Variants in RGS9 observed in about 807,000 individuals in gnomAD.
RGS9 encodes regulator of G-protein signalling 9.
In RGS9, 78 loss-of-function variants were observed where a neutral mutation model predicts 102.0. The observed-to-expected ratio is 0.76, with a 90% CI of 0.64 to 0.92. The LOEUF (loss-of-function observed/expected upper bound fraction) is 0.92. RGS9 is among the 40% of genes least tolerant of loss of function. RGS9 has a pLI of 0.00. For synonymous variants in RGS9, 353 were observed against 318.6 expected (o/e 1.11, Z -1.15); for missense variants, 833 against 866.1 (o/e 0.96, Z 0.48).
At chr17:65,188,699 A>C in intron 9 of RGS9, 1 of 160,254 alleles carries the variant, frequency 6.2e-6, no homozygotes, top group Admixed American at 5.8e-5. Context: ...TGCAGTCTCA[A>C]TCTCCTGGGA....
intron 12 of RGS9, among the ~76,000 whole-genome samples, 181 bp from the exon 13 acceptor site, chr17:65,196,945 G>A (rs561439096): frequency 6.6e-6 from 1 of 152,198 alleles, no homozygotes; most frequent in Non-Finnish European, 1.5e-5. Flanking sequence ...AGCCCCGGGG[G>A]ACTTGTCTGT....
rs1911482112 is a variant in RGS9, at chr17:65,173,080, G to A, written c.583-4652G>A. ...TGGAATTACAGGTGTGCGCCACCTC[G>A]CCTGGCTAATTTTTTGTATCTTTAG... On this transcript the variant is annotated intron_variant, in intron 8 of 18. Transcript: ENST00000262406. The surrounding 1 kb of genome is among the most constrained non-coding windows in gnomAD (Gnocchi z 4.8). Among the ~76,000 whole-genome samples the A allele has an allele frequency of 1.3e-5, 2 of 151,776 alleles. No individual in the cohort carries two copies.
At chr17:65,140,629 G>A (rs1036051874) in intron 1 of RGS9, among the ~76,000 whole-genome samples, 1 of 152,170 alleles carries the variant, frequency 6.6e-6, no homozygotes, top group African/African-American at 2.4e-5. Context: ...AATCCCAGCA[G>A]TTTGGGAGGC....
intron 17 of RGS9, among the ~76,000 whole-genome samples, chr17:65,219,926 A>G (rs1046928547): frequency 4.0e-5 from 6 of 151,816 alleles, no homozygotes; most frequent in African/African-American, 1.2e-4. Context: ...CCACCATATC[A>G]TTATTATTAT....
intron 15 of RGS9, among the ~76,000 whole-genome samples, chr17:65,204,633 G>A (rs1176815610): frequency 1.3e-5 from 2 of 152,214 alleles, no homozygotes; most frequent in African/African-American, 2.4e-5. Context: ...CTTGCCTTGA[G>A]CCCCTCACCC....
At chr17:65,203,092 C>A (rs1222155055) in intron 14 of RGS9, among the ~76,000 whole-genome samples, 1 of 152,228 alleles carries the variant, frequency 6.6e-6, no homozygotes, top group South Asian at 2.1e-4. Flanking sequence ...GCCTCTGGAC[C>A]CTGGATGTCC....
Position 65,210,479 on chromosome 17 carries a change from T to A in RGS9, c.1290-9T>A. The A allele has an allele frequency of 6.2e-7, 1 of 1,612,858 alleles. No homozygotes were observed. Among genetic ancestry groups the A allele is most frequent in the Non-Finnish European group, 8.5e-7 (1 of 1,179,902 alleles). On this transcript the variant is annotated splice_polypyrimidine_tract_variant and intron_variant, in intron 16 of 18. Transcript: ENST00000262406. ...TTTCCTCCAACCACCAATCTGTCCT[T>A]CCTTCCAGCTCCACCCTCCCTTTTA... is the stretch of plus-strand genomic sequence containing the variant.
At chr17:65,212,964 A>T (rs564782619) in intron 17 of RGS9, among the ~76,000 whole-genome samples, 2 of 152,332 alleles carry the variant, frequency 1.3e-5, no homozygotes, top group South Asian at 2.1e-4. Context: ...GAGTGGATGA[A>T]TGAATGAAAG....
At chr17:65,206,958 A>G (rs1422461152) in intron 15 of RGS9, among the ~76,000 whole-genome samples, 1 of 152,182 alleles carries the variant, frequency 6.6e-6, no homozygotes, top group East Asian at 1.9e-4. Context: ...GTGCCATTTC[A>G]ATAAATTTTT....
rs766394549 is a variant in RGS9 at position 65,168,212 on chromosome 17, G to T, written c.513G>T (p.Glu171Asp). ...QAKEQYRAGK[E>D]RNKADRYALD... is the part of the protein sequence containing the mutation. ...TTTGGCTTTCCAGGGCTGGAAAGGA[G>T]AGGAACAAAGCAGACAGATATGCCC... The change falls in exon 8 of 19, where the codon GAG (glutamate) becomes GAT (aspartate). Residue 171 changes from glutamate to aspartate, a missense_variant. Glu to Asp is a conservative substitution (Grantham distance 45). Around this residue, in one of 3 missense-constraint regions of RGS9, gnomAD observed 328 missense variants for 340.6 expected, o/e 0.96. Transcript: ENST00000262406. The T allele has an allele frequency of 3.1e-6, 5 of 1,610,448 alleles. No individual in the cohort carries two copies. Among genetic ancestry groups the T allele is most frequent in the Non-Finnish European group, 4.2e-6 (5 of 1,178,410 alleles).
At chr17:65,137,817 C>G (rs1184529304) in intron 1 of RGS9, among the ~76,000 whole-genome samples, 1 of 152,250 alleles carries the variant, frequency 6.6e-6, no homozygotes, top group African/African-American at 2.4e-5. Context: ...GAAGCCAGCG[C>G]TGATGGTCTG....
At chr17:65,189,003 C>T in intron 9 of RGS9, 1 of 508,774 alleles carries the variant, frequency 2.0e-6, no homozygotes, top group South Asian at 2.1e-5. Flanking sequence ...GCTAAACTGA[C>T]ACCAGTTTCA....
At chr17:65,190,034 C>T (rs1205455402) in intron 10 of RGS9, 141 bp from the exon 11 acceptor site, 1 of 770,152 alleles carries the variant, frequency 1.3e-6, no homozygotes, top group Non-Finnish European at 2.4e-6. Context: ...GGGCCTGACC[C>T]ACTGGTACTG....
At chr17:65,198,138 G>C (rs9916170) in intron 13 of RGS9, among the ~76,000 whole-genome samples, 30,668 of 152,134 alleles carry the variant, frequency 0.2, 5,220 homozygotes, top group African/African-American at 0.44. Context: ...GTGATTGACA[G>C]CCATCACCTT....
chr17:65,170,657 G>A (rs894369999), intron 8 of RGS9, among the ~76,000 whole-genome samples: 4 of 152,240 alleles, frequency 2.6e-5, no homozygotes, highest in East Asian at 1.9e-4. Context: ...CTAAGAAGCC[G>A]AATGCCTGGG....
In RGS9 at chr17:65,160,934, G is replaced by A. The variant is rs1204475902; in HGVS notation, c.423+25G>A. ...GGTATGGAGGTGCTTTTAAGTAGAGGTTGTTATAATTGAGTGGAAGATAGT... is the reference window on the plus strand; with the variant it reads ...GGTATGGAGGTGCTTTTAAGTAGAGATTGTTATAATTGAGTGGAAGATAGT... On this transcript the variant is annotated intron_variant, in intron 6 of 18. Coordinates refer to ENST00000262406, the MANE Select transcript of RGS9 (RefSeq NM_003835.4). 2.5e-6 allele frequency: 4 copies of A among 1,585,098 alleles called. No homozygotes were observed. The South Asian group carries it at 3.3e-5, about 13-fold the overall frequency.
intron 17 of RGS9, among the ~76,000 whole-genome samples, chr17:65,214,672 A>C (rs1288998766): frequency 6.6e-6 from 1 of 152,218 alleles, no homozygotes; most frequent in Non-Finnish European, 1.5e-5. Context: ...GCTCCCTCCA[A>C]GTAGGTGTCC....
chr17:65,150,904 G>A (rs1393098720), intron 1 of RGS9, among the ~76,000 whole-genome samples: 1 of 152,182 alleles, frequency 6.6e-6, no homozygotes, highest in Non-Finnish European at 1.5e-5. Flanking sequence ...CCGTTAGTGA[G>A]GGCTTTTCCA....
chr17:65,150,127 CAT>C, intron 1 of RGS9, among the ~76,000 whole-genome samples: 1 of 152,172 alleles, frequency 6.6e-6, no homozygotes, highest in Non-Finnish European at 1.5e-5. Context: ...TGAGAGCAGC[CAT>C]CCACGTTGAT....
Sources: allele counts gnomAD v4.1 joint callset (sites outside exome capture counted in the v4.1 genomes callset), GRCh38; gene constraint gnomAD v4.1.1; regional missense constraint gnomAD v4.1.1; non-coding constraint Gnocchi (gnomAD v3.1); transcripts MANE v1.5; gene names NCBI Gene and HGNC (gene_info 2026-07-23, HGNC 2026-07-21).